ISM1: variants seen among roughly 807,000 people sequenced by gnomAD.
ISM1 encodes isthmin 1.
Under a neutral mutation model 46.3 loss-of-function variants are expected in ISM1, and 25 were observed. That is an observed-to-expected ratio of 0.54 (90% CI 0.39 to 0.75). The LOEUF (loss-of-function observed/expected upper bound fraction) is 0.75. Ranked by LOEUF, ISM1 falls within the 30% of genes least tolerant of loss-of-function variation. The pLI is 0.00. For synonymous variants in ISM1, 255 were observed against 256.7 expected (o/e 0.99, Z 0.06); for missense variants, 536 against 625.4 (o/e 0.86, Z 1.52).
chr20:13,234,261 G>A (rs993045711), intron 1 of ISM1, among the ~76,000 whole-genome samples: 3 of 152,094 alleles, frequency 2.0e-5, no homozygotes, highest in Non-Finnish European at 2.9e-5. Flanking sequence ...AATGGCCTCC[G>A]GTACCAGCCA....
intron 4 of ISM1, among the ~76,000 whole-genome samples, chr20:13,289,886 A>G (rs2040334639): frequency 6.6e-6 from 1 of 152,186 alleles, no homozygotes; most frequent in African/African-American, 2.4e-5. Context: ...GCTTTGGCTG[A>G]AAAAAATTTC....
intron 1 of ISM1, among the ~76,000 whole-genome samples, chr20:13,233,393 C>T (rs903357583): frequency 2.0e-5 from 3 of 151,880 alleles, no homozygotes; most frequent in Non-Finnish European, 2.9e-5. Context: ...GTCGGGAGTT[C>T]GAGACCAGCC....
intron 1 of ISM1, among the ~76,000 whole-genome samples, chr20:13,260,781 T>A (rs1447211636): frequency 6.6e-6 from 1 of 152,160 alleles, no homozygotes; most frequent in African/African-American, 2.4e-5. Context: ...TCAGCTTTTG[T>A]TGTGTAACAA....
chr20:13,294,389 G>A (rs568672171), intron 5 of ISM1, among the ~76,000 whole-genome samples: 1 of 152,220 alleles, frequency 6.6e-6, no homozygotes, highest in African/African-American at 2.4e-5. Context: ...AAATAGAAAT[G>A]ACTTTAAAGG....
At chr20:13,233,297 A>T (rs1714393149) in intron 1 of ISM1, among the ~76,000 whole-genome samples, 2 of 152,166 alleles carry the variant, frequency 1.3e-5, no homozygotes, top group Admixed American at 6.5e-5. Context: ...GAAGAGCAAA[A>T]ATAAAAATGG....
At chr20:13,305,289 T>G (rs1028178899), downstream of ISM1, among the ~76,000 whole-genome samples, 3 of 152,064 alleles carry the variant, frequency 2.0e-5, no homozygotes, top group African/African-American at 7.2e-5. Context: ...CATTTTTAAG[T>G]ACTTTTCCAT....
rs528166555 is a variant in ISM1 at position 13,279,892 on chromosome 20, G to C, written c.637G>C (p.Glu213Gln). 8 of 1,613,822 alleles carry C rather than the reference G, an allele frequency of 5.0e-6. No homozygotes were observed. The East Asian group carries it at 1.3e-4, about 27-fold the overall frequency. ...GACTTTTGAAACCAAAGATCAGCCA[G>C]AATATGGTGAGTTTACCACCTAGTA... ...HRTFETKDQP[E>Q]YDSTDGEGDW... The change falls in exon 3 of 6, where the codon GAA becomes CAA. Residue 213 changes from glutamate to glutamine, a missense_variant. Around this residue, in one of 2 missense-constraint regions of ISM1, gnomAD observed 367 missense variants for 376.1 expected, o/e 0.98. Coordinates refer to ENST00000262487, the MANE Select transcript of ISM1 (RefSeq NM_080826.2).
chr20:13,292,787 CT>C, intron 5 of ISM1, among the ~76,000 whole-genome samples: 1 of 152,272 alleles, frequency 6.6e-6, no homozygotes, highest in Admixed American at 6.5e-5. Flanking sequence ...CTTACTCAGC[CT>C]TCATTGAGCG....
intron 1 of ISM1, among the ~76,000 whole-genome samples, chr20:13,261,675 C>T (rs1365931773): frequency 1.3e-5 from 2 of 152,192 alleles, no homozygotes; most frequent in African/African-American, 4.8e-5. Flanking sequence ...CCAAGGTTAA[C>T]GTCCAATGAC....
chr20:13,299,652 C>T lies in ISM1; in HGVS notation c.*193C>T, dbSNP rs2040441448. The T allele has an allele frequency of 5.4e-6, 3 of 553,662 alleles. No individual in the cohort carries two copies. Among genetic ancestry groups the T allele is most frequent in the Non-Finnish European group, 9.3e-6 (3 of 321,824 alleles). The allele number at this position is 553,662 out of a possible 1,614,324, so 34.3% of individuals were successfully genotyped here. ...GGACTGCCTTGTGAAGCCGCCCTCG[C>T]CATCTGCAGAGCTCCTTGAAAGTGC... is the stretch of plus-strand genomic sequence containing the variant. On this transcript the variant is annotated 3_prime_UTR_variant, in exon 6 of 6. Coordinates refer to ENST00000262487, the MANE Select transcript of ISM1 (RefSeq NM_080826.2). This position sits in a 1 kb window ranked among gnomAD's most constrained non-coding sequence, Gnocchi z 5.8.
At chr20:13,256,726 T>C (rs961848383) in intron 1 of ISM1, among the ~76,000 whole-genome samples, 13 of 152,186 alleles carry the variant, frequency 8.5e-5, no homozygotes, top group African/African-American at 3.1e-4. Context: ...CCGACAGCTG[T>C]TTACACCCCT....
intron 4 of ISM1, among the ~76,000 whole-genome samples, chr20:13,289,922 C>A (rs1336701761): frequency 6.6e-6 from 1 of 152,170 alleles, no homozygotes; most frequent in Non-Finnish European, 1.5e-5. Context: ...GATCCTTACA[C>A]CCCAGACTTC....
intron 3 of ISM1, among the ~76,000 whole-genome samples, chr20:13,285,451 A>G (rs917711600): frequency 5.9e-5 from 9 of 152,252 alleles, no homozygotes; most frequent in African/African-American, 1.9e-4. Context: ...CTCACTCACA[A>G]TGAGGGGTGC....
chr20:13,270,969 A>G (rs1392123069), intron 2 of ISM1, among the ~76,000 whole-genome samples: 1 of 152,244 alleles, frequency 6.6e-6, no homozygotes, highest in East Asian at 1.9e-4. Flanking sequence ...AGAAGAAAAC[A>G]CTACCAATTA....
At chr20:13,227,450 G>A (rs143211651) in intron 1 of ISM1, among the ~76,000 whole-genome samples, 1,785 of 151,218 alleles carry the variant, frequency 0.012, 32 homozygotes, top group African/African-American at 0.04. Context: ...TGATCTGCCC[G>A]CCTCGACCTC....
chr20:13,296,596 T>C (rs2040409450), intron 5 of ISM1, among the ~76,000 whole-genome samples: 1 of 152,070 alleles, frequency 6.6e-6, no homozygotes, highest in Non-Finnish European at 1.5e-5. Flanking sequence ...GATTGGAGAA[T>C]GCTCTACCCT....
Position 13,299,412 on chromosome 20 carries a change from T to A in ISM1, c.1348T>A (p.Ser450Thr). ...CGGACAGAAGTGCACAGAGAGCCCC[T>A]CGGACGAGGACTACATCAAGCAGTT... is the stretch of plus-strand genomic sequence containing the variant. ...NNGQKCTESP[S>T]DEDYIKQFQE... Residue 450 changes from serine to threonine, a missense_variant, in exon 6 of 6, where the codon TCG becomes ACG. By Grantham distance (58) the Ser-to-Thr change is moderately conservative. Transcript: ENST00000262487. This position sits in a 1 kb window ranked among gnomAD's most constrained non-coding sequence, Gnocchi z 5.8. The A allele has an allele frequency of 1.2e-6, 2 of 1,611,182 alleles. No homozygotes were observed. The highest frequency in any genetic ancestry group is 8.5e-7 in the Non-Finnish European group (1 of 1,179,782).
chr20:13,266,586 A>G (rs2040045404), intron 1 of ISM1, among the ~76,000 whole-genome samples: 1 of 152,160 alleles, frequency 6.6e-6, no homozygotes, highest in African/African-American at 2.4e-5. Context: ...TAACTCATAG[A>G]TTGATGTTCA....
chr20:13,307,319 A>G, the ISM1 span, among the ~76,000 whole-genome samples: 3 of 152,210 alleles, frequency 2.0e-5, no homozygotes, highest in African/African-American at 7.2e-5. Flanking sequence ...TCAGAAAAGC[A>G]CACACGTATC....
Sources: gnomAD v4.1 joint callset for allele counts (sites outside exome capture counted in the v4.1 genomes callset) on GRCh38, gnomAD v4.1.1 for gene constraint, gnomAD v4.1.1 regional missense constraint, Gnocchi (gnomAD v3.1) non-coding constraint, MANE v1.5 for transcripts, NCBI Gene and HGNC (gene_info 2026-07-23, HGNC 2026-07-21) for gene names.